MTBP: variants seen among roughly 807,000 people sequenced by gnomAD.
MTBP encodes the protein mdm2-binding protein.
MTBP carries 101 observed loss-of-function variants against 117.0 expected under a neutral mutation model. The observed-to-expected ratio is 0.86, with a 90% confidence interval of 0.73 to 1.02. MTBP has a LOEUF of 1.02. Among genes scored for constraint, MTBP ranks in the 50% least tolerant of loss-of-function variants. The probability of loss-of-function intolerance (pLI) is 0.00; values close to 1 mark genes in which losing one functional copy is unlikely to be tolerated. For synonymous variants in MTBP, 350 were observed against 351.5 expected, an observed-to-expected ratio of 1.00 and a Z score of 0.05; for missense variants, 970 against 1,030.9, an observed-to-expected ratio of 0.94 and a Z score of 0.81.
chr8:120,465,314 T>A (rs1287161332), intron 10 of MTBP, among the ~76,000 whole-genome samples: 1 of 152,180 alleles, frequency 6.6e-6, no homozygotes, highest in Non-Finnish European at 1.5e-5. Flanking sequence ...AGCATGTTTT[T>A]TAGAAAACTT....
chr8:120,473,551 G>A (rs1813868735), intron 11 of MTBP: 1 of 152,030 alleles, frequency 6.6e-6, no homozygotes, highest in Non-Finnish European at 1.5e-5. Context: ...AGTCTGTTTG[G>A]CCAACACTGT....
intron 16 of MTBP, 44 bp downstream of exon 16, chr8:120,506,905 A>G (rs1292293545): frequency 6.7e-7 from 1 of 1,483,464 alleles, no homozygotes; most frequent in Non-Finnish European, 9.0e-7. Context: ...TTTAAAAATT[A>G]CTTTTAAATA....
chr8:120,513,956 GCCA>G (rs1370369118), intron 17 of MTBP, among the ~76,000 whole-genome samples: 1 of 151,872 alleles, frequency 6.6e-6, no homozygotes, highest in Non-Finnish European at 1.5e-5. Context: ...TCCCTACTCT[GCCA>G]CCAACTCACA....
chr8:120,462,815 C>T (rs1248339248), intron 9 of MTBP, among the ~76,000 whole-genome samples: 1 of 152,054 alleles, frequency 6.6e-6, no homozygotes, highest in East Asian at 1.9e-4. Context: ...CTCTTGGCCC[C>T]CTCCTACTGC....
chr8:120,447,217 C>G (rs1813246399), intron 2 of MTBP, among the ~76,000 whole-genome samples: 1 of 151,868 alleles, frequency 6.6e-6, no homozygotes, highest in South Asian at 2.1e-4. Context: ...AGGGTCTGCT[C>G]CTTTTGATAA....
rs372770060 is a variant in MTBP, at chr8:120,495,408, A to T, written c.1448-1985A>T. 1.4e-3 allele frequency among the ~76,000 whole-genome samples: 211 copies of T among 152,196 alleles called. 3 individuals carry two copies. The highest frequency in any genetic ancestry group is 4.8e-3 in the African/African-American group (200 of 41,518). ...CTCTAGAAGGTTTACTCTGAGTCACACTGTGTTTATCTTTCCCATCTTCCC... is the reference window on the plus strand; with the variant it reads ...CTCTAGAAGGTTTACTCTGAGTCACTCTGTGTTTATCTTTCCCATCTTCCC... On this transcript the variant is annotated intron_variant, in intron 13 of 21. Transcript: ENST00000305949.
At position 120,499,510 on chromosome 8, in the gene MTBP, C is replaced by T. The variant is rs1814536518; in HGVS notation, c.1609+1956C>T. 2.0e-5 allele frequency among the ~76,000 whole-genome samples: 3 copies of T among 152,130 alleles called. No individual in the cohort carries two copies. The South Asian group carries it at 6.2e-4, about 32-fold the overall frequency. ...AGACAGGCTATGCATTTGAACATGA[C>T]TCCTAAGAATGAAGTTGTGATTTTT... is the stretch of plus-strand genomic sequence containing the variant. On this transcript the variant is annotated intron_variant, in intron 14 of 21. Coordinates refer to ENST00000305949, the MANE Select transcript of MTBP (RefSeq NM_022045.5).
intron 11 of MTBP, among the ~76,000 whole-genome samples, chr8:120,482,464 C>G (rs1291448039): frequency 6.6e-6 from 1 of 152,086 alleles, no homozygotes; most frequent in Non-Finnish European, 1.5e-5. Flanking sequence ...GAAATCATTG[C>G]TGTTCATAAT....
Position 120,502,474 on chromosome 8 carries a change from G to A in MTBP, c.1610-18G>A. On this transcript the variant is annotated intron_variant, in intron 14 of 21. Coordinates refer to ENST00000305949, the MANE Select transcript of MTBP (RefSeq NM_022045.5). Reference sequence around the variant, plus strand: ...ATGATAATACTTTTCAGACTTATGTGTATTTCTTTCACTTTAGATTTTAGT... The same window carrying A: ...ATGATAATACTTTTCAGACTTATGTATATTTCTTTCACTTTAGATTTTAGT... 1 of 1,491,824 alleles carries A rather than the reference G, an allele frequency of 6.7e-7. No individual in the cohort carries two copies. Among genetic ancestry groups the A allele is most frequent in the Non-Finnish European group, 9.2e-7 (1 of 1,091,374 alleles). The allele number at this position is 1,491,824 out of a possible 1,614,324, so 92.4% of individuals were successfully genotyped here. A position where few individuals can be genotyped will look rare whatever the true frequency, so the allele number is the denominator to read the frequency against.
intron 11 of MTBP, among the ~76,000 whole-genome samples, chr8:120,479,836 A>C (rs543455525): frequency 6.6e-6 from 1 of 152,216 alleles, no homozygotes; most frequent in South Asian, 2.1e-4. Flanking sequence ...ACACAGCTAA[A>C]GCAGTACTAA....
chr8:120,487,440 C>G (rs960338436), intron 11 of MTBP, among the ~76,000 whole-genome samples: 6 of 152,152 alleles, frequency 3.9e-5, no homozygotes, highest in Non-Finnish European at 8.8e-5. Context: ...GATATTAGTT[C>G]TTGTAGATTT....
At chr8:120,472,222 T>C (rs1310337611) in intron 11 of MTBP, 1 of 152,238 alleles carries the variant, frequency 6.6e-6, no homozygotes, top group Non-Finnish European at 1.5e-5. Context: ...TCTATTTTTC[T>C]GTATAAGAAA....
intron 9 of MTBP, among the ~76,000 whole-genome samples, chr8:120,463,230 T>G (rs1813617398): frequency 6.6e-6 from 1 of 152,174 alleles, no homozygotes; most frequent in Non-Finnish European, 1.5e-5. Flanking sequence ...AGCTGATGTA[T>G]CATTTTATGT....
intron 11 of MTBP, among the ~76,000 whole-genome samples, chr8:120,478,159 A>T (rs1813987749): frequency 6.6e-6 from 1 of 152,154 alleles, no homozygotes; most frequent in Non-Finnish European, 1.5e-5. Flanking sequence ...AAGAACAGAA[A>T]ATCAAACACC....
chr8:120,511,119 G>T (rs1183063659), intron 17 of MTBP, among the ~76,000 whole-genome samples: 1 of 152,074 alleles, frequency 6.6e-6, no homozygotes. Flanking sequence ...TATGCCACCC[G>T]ATCCATGTTT....
At chr8:120,479,287 A>G (rs1814018447) in intron 11 of MTBP, among the ~76,000 whole-genome samples, 1 of 152,218 alleles carries the variant, frequency 6.6e-6, no homozygotes, top group African/African-American at 2.4e-5. Context: ...TTCAAATAAA[A>G]AATAGTGGGC....
intron 8 of MTBP, 103 bp downstream of exon 8, chr8:120,459,452 G>T (rs1225757706): frequency 9.2e-7 from 1 of 1,082,814 alleles, no homozygotes; most frequent in African/African-American, 1.6e-5. Flanking sequence ...GTGCTTAAGT[G>T]TGCTCACTAG....
Position 120,461,148 on chromosome 8 carries a change from ATTTCT to A in MTBP, c.883-7_883-3del, listed in dbSNP as rs768760451. 56 of 1,521,380 alleles carry A rather than the reference ATTTCT, an allele frequency of 3.7e-5. No individual in the cohort carries two copies. Among genetic ancestry groups the A allele is most frequent in the Admixed American group, 1.2e-4 (7 of 59,086 alleles). 94.2% of individuals were successfully genotyped at this position (1,521,380 alleles called of 1,614,324 possible). A position where few individuals can be genotyped will look rare whatever the true frequency, so the allele number is the denominator to read the frequency against. On this transcript the variant is annotated splice_region_variant and splice_polypyrimidine_tract_variant and intron_variant, in intron 8 of 21. Transcript: ENST00000305949. ...GGTATTTAAATATTACACAATTTTA[ATTTCT>A]TTTCTAGGTTTTCCATTATTATGGC... is the stretch of plus-strand genomic sequence containing the variant.
intron 2 of MTBP, among the ~76,000 whole-genome samples, chr8:120,450,273 C>T (rs1036124201): frequency 6.6e-6 from 1 of 152,082 alleles, no homozygotes; most frequent in Admixed American, 6.6e-5. Context: ...TGTATCTTTC[C>T]TGAGAGGATG....
Sources: allele counts gnomAD v4.1 joint callset (sites outside exome capture counted in the v4.1 genomes callset), GRCh38; gene constraint gnomAD v4.1.1; transcripts MANE v1.5; gene names NCBI Gene and HGNC (gene_info 2026-07-23, HGNC 2026-07-21).